Variants in SLC17A1 observed in about 807,000 individuals in gnomAD.
The protein encoded by SLC17A1 is solute carrier family 17 member 1, also known as sodium-dependent phosphate transport protein 1.
A neutral mutation model predicts 53.5 loss-of-function variants in SLC17A1; 51 were observed. The observed-to-expected ratio is 0.95, with a 90% CI of 0.76 to 1.20. The LOEUF (loss-of-function observed/expected upper bound fraction) is 1.20, where lower values mean the gene tolerates loss of function less well. SLC17A1 is among the 50% of genes most tolerant of loss of function. The probability of loss-of-function intolerance (pLI) is 0.00; values close to 1 mark genes in which losing one functional copy is unlikely to be tolerated. For missense variants in SLC17A1, 538 were observed against 568.2 expected, an observed-to-expected ratio of 0.95 and a Z score of 0.54; for synonymous variants, 179 against 198.8, an observed-to-expected ratio of 0.90 and a Z score of 0.84.
the SLC17A1 span, among the ~76,000 whole-genome samples, chr6:25,757,274 A>T: frequency 6.6e-6 from 1 of 152,086 alleles, no homozygotes; most frequent in Non-Finnish European, 1.5e-5. Flanking sequence ...ATTTTCTTTT[A>T]TATTAATAAG....
chr6:25,826,321 G>T, intron 3 of SLC17A1, 140 bp downstream of exon 3: 1 of 545,962 alleles, frequency 1.8e-6, no homozygotes, highest in African/African-American at 1.9e-5. Context: ...ATTTTATTTA[G>T]GTCACTCCTG....
chr6:25,814,485 A>G (rs886318659), intron 6 of SLC17A1, among the ~76,000 whole-genome samples: 1 of 152,254 alleles, frequency 6.6e-6, no homozygotes, highest in African/African-American at 2.4e-5. Flanking sequence ...TAGTTTACCC[A>G]TAAGCATGAA....
At chr6:25,800,450 T>C (rs950446332) in intron 11 of SLC17A1, among the ~76,000 whole-genome samples, 4 of 152,118 alleles carry the variant, frequency 2.6e-5, no homozygotes, top group Non-Finnish European at 5.9e-5. Flanking sequence ...AAAGGAAGAT[T>C]TCAGGTAACT....
chr6:25,789,434 T>C (rs1186709309), intron 12 of SLC17A1, among the ~76,000 whole-genome samples: 2 of 152,206 alleles, frequency 1.3e-5, no homozygotes, highest in Non-Finnish European at 2.9e-5. Context: ...ATTTACATAG[T>C]TCCAAAGTAT....
the SLC17A1 span, chr6:25,768,291 C>T: frequency 1.2e-6 from 1 of 834,398 alleles, no homozygotes; most frequent in Non-Finnish European, 1.4e-6. Flanking sequence ...AAAATGGCAT[C>T]TTCATACCTT....
chr6:25,814,888 C>G (rs539789641), intron 6 of SLC17A1, among the ~76,000 whole-genome samples: 1 of 151,562 alleles, frequency 6.6e-6, no homozygotes, highest in Non-Finnish European at 1.5e-5. Context: ...CAGGGGGTTG[C>G]GGCAGGAGAA....
the SLC17A1 span, chr6:25,770,581 TTTCC>T: frequency 2.9e-6 from 3 of 1,018,848 alleles, no homozygotes; most frequent in Non-Finnish European, 4.6e-6. Flanking sequence ...TTCATAGTCC[TTTCC>T]TTAAAGCACT....
the SLC17A1 span, among the ~76,000 whole-genome samples, chr6:25,751,203 C>A: frequency 6.6e-6 from 1 of 152,152 alleles, no homozygotes; most frequent in Non-Finnish European, 1.5e-5. Context: ...CATATTCAAC[C>A]TGACGAGATA....
At chr6:25,770,327 T>C in the SLC17A1 span, 49 of 1,613,742 alleles carry the variant, frequency 3.0e-5, no homozygotes, top group Middle Eastern at 6.6e-4. Context: ...CAGGTATAAG[T>C]GGAATATAGG....
intron 8 of SLC17A1, among the ~76,000 whole-genome samples, chr6:25,812,474 G>A (rs1051061010): frequency 5.3e-5 from 8 of 152,344 alleles, no homozygotes; most frequent in Non-Finnish European, 1.0e-4. Context: ...GCTTGGCAGA[G>A]TGACAGGGCC....
chr6:25,829,415 C>T (rs1431243079), intron 2 of SLC17A1, among the ~76,000 whole-genome samples: 1 of 152,006 alleles, frequency 6.6e-6, no homozygotes, highest in Non-Finnish European at 1.5e-5. Context: ...ATCAGCCAGC[C>T]CTTCCTTTGA....
intron 10 of SLC17A1, among the ~76,000 whole-genome samples, chr6:25,808,898 T>C (rs1764051900): frequency 1.3e-5 from 2 of 152,130 alleles, no homozygotes; most frequent in Admixed American, 1.3e-4. Context: ...ATTCTGTTAC[T>C]GGGTGTCTAC....
chr6:25,725,055 A>G, the SLC17A1 span, among the ~76,000 whole-genome samples: 1 of 144,980 alleles, frequency 6.9e-6, no homozygotes, highest in Admixed American at 7.0e-5. Context: ...ACTGTTGAAT[A>G]TCGTACAATA....
the SLC17A1 span, chr6:25,761,825 C>T: frequency 3.1e-6 from 2 of 650,648 alleles, no homozygotes; most frequent in East Asian, 2.9e-5. Flanking sequence ...TAATCTACCA[C>T]TTTTCTTATA....
the SLC17A1 span, among the ~76,000 whole-genome samples, chr6:25,774,971 G>A: frequency 3.7e-3 from 570 of 152,220 alleles, 4 homozygotes; most frequent in African/African-American, 0.012. Flanking sequence ...CATTATATTC[G>A]ATAGAATTTT....
At chr6:25,788,677 G>C (rs916239692) in intron 12 of SLC17A1, among the ~76,000 whole-genome samples, 1 of 61,266 alleles carries the variant, frequency 1.6e-5, no homozygotes, top group Non-Finnish European at 3.9e-5. Context: ...GGAAGGTCCA[G>C]GAGGTGTGGC....
rs370892770 is a variant in SLC17A1, at chr6:25,800,885, C to A, written c.1269+5G>T. The stretch of plus-strand genomic sequence containing the variant: ...AAAATAACTACACATCTGTATGTTT[C>A]TTACCTGCTTAAGGATCAATCCAGT... On this transcript the variant is annotated splice_donor_5th_base_variant and intron_variant, in intron 11 of 12. Coordinates refer to ENST00000244527, the MANE Select transcript of SLC17A1 (RefSeq NM_005074.5). The A allele has an allele frequency of 2.2e-4, 339 of 1,557,354 alleles. 1 individual carries two copies. The highest frequency in any genetic ancestry group is 3.4e-4 in the Middle Eastern group (2 of 5,958).
At chr6:25,767,352 C>T in the SLC17A1 span, among the ~76,000 whole-genome samples, 3 of 151,992 alleles carry the variant, frequency 2.0e-5, no homozygotes, top group South Asian at 2.1e-4. Context: ...CCCAATAATA[C>T]GAAGGTGGTA....
At chr6:25,778,539 T>C (rs1763128127), downstream of SLC17A1, among the ~76,000 whole-genome samples, 1 of 152,194 alleles carries the variant, frequency 6.6e-6, no homozygotes, top group Admixed American at 6.5e-5. Flanking sequence ...CATTCATTCA[T>C]TCAATAAATA....
Sources: gnomAD v4.1 joint callset for allele counts (sites outside exome capture counted in the v4.1 genomes callset) on GRCh38, gnomAD v4.1.1 for gene constraint, MANE v1.5 for transcripts, NCBI Gene and HGNC (gene_info 2026-07-23, HGNC 2026-07-21) for gene names.